The following ADAMTSL3 variants were observed in gnomAD, a reference collection of about 807,000 sequenced individuals.
ADAMTSL3 encodes the protein ADAMTS like 3.
ADAMTSL3 carries 128 observed loss-of-function variants against 201.7 expected under a neutral mutation model. The ratio of observed to expected loss-of-function variants is 0.63; its 90% CI spans 0.55 to 0.73. The LOEUF (loss-of-function observed/expected upper bound fraction) is 0.73. Among genes scored for constraint, ADAMTSL3 ranks in the 30% least tolerant of loss-of-function variants. ADAMTSL3 has a pLI of 0.00. For missense variants in ADAMTSL3, 1,990 were observed against 2,119.6 expected (o/e 0.94, Z 1.20); for synonymous variants, 738 against 748.4 (o/e 0.99, Z 0.23).
chr15:84,002,721 C>T (rs2067813266), intron 23 of ADAMTSL3, among the ~76,000 whole-genome samples: 1 of 152,058 alleles, frequency 6.6e-6, no homozygotes, highest in Non-Finnish European at 1.5e-5. Flanking sequence ...CAAAAGACCT[C>T]TATGCTTTGC....
At chr15:83,811,063 T>C (rs1327141414) in intron 5 of ADAMTSL3, among the ~76,000 whole-genome samples, 1 of 152,166 alleles carries the variant, frequency 6.6e-6, no homozygotes, top group Non-Finnish European at 1.5e-5. Flanking sequence ...TAGTCATATC[T>C]TCCTGTGACC....
At chr15:83,884,410 G>C (rs1294104788) in intron 9 of ADAMTSL3, among the ~76,000 whole-genome samples, 1 of 147,900 alleles carries the variant, frequency 6.8e-6, no homozygotes, top group Non-Finnish European at 1.5e-5. Flanking sequence ...GAGTAGCTGG[G>C]ACTACAAGCA....
rs1360708722 is a variant in ADAMTSL3 at position 83,782,905 on chromosome 15, G to A, written c.317+9255G>A. On this transcript the variant is annotated intron_variant, in intron 4 of 29. Transcript: ENST00000286744. ...GTTAAATTATAAAAGAAAGAGCAATGGATAGCGTATATATATATATATATT... is the reference window on the plus strand; with the variant it reads ...GTTAAATTATAAAAGAAAGAGCAATAGATAGCGTATATATATATATATATT... Among the ~76,000 whole-genome samples the A allele has an allele frequency of 7.6e-5, 8 of 105,844 alleles. No individual in the cohort carries two copies. In the East Asian group the frequency reaches 2.3e-3, roughly 30 times the overall value. The allele number at this position is 105,844 out of a possible 152,430, so 69.4% of individuals were successfully genotyped here. A position where few individuals can be genotyped will look rare whatever the true frequency, so the allele number is the denominator to read the frequency against.
intron 13 of ADAMTSL3, 143 bp from the exon 14 acceptor site, chr15:83,897,715 A>T (rs1422454912): frequency 8.8e-6 from 8 of 905,634 alleles, no homozygotes; most frequent in Non-Finnish European, 1.2e-5. Context: ...TAGCCTCTGT[A>T]CCCTTCCTTA....
intron 19 of ADAMTSL3, among the ~76,000 whole-genome samples, chr15:83,960,482 A>T (rs2066946107): frequency 6.6e-6 from 1 of 152,148 alleles, no homozygotes; most frequent in African/African-American, 2.4e-5. Flanking sequence ...GATGACAGAG[A>T]CTAGATCCTG....
intron 19 of ADAMTSL3, among the ~76,000 whole-genome samples, chr15:83,952,761 G>A (rs185759621): frequency 8.0e-5 from 12 of 150,412 alleles, no homozygotes; most frequent in East Asian, 3.9e-4. Context: ...AGCCAAGATC[G>A]TGCCACTGCA....
chr15:83,947,868 A>C (rs1435364812), intron 19 of ADAMTSL3, among the ~76,000 whole-genome samples: 1 of 151,940 alleles, frequency 6.6e-6, no homozygotes, highest in African/African-American at 2.4e-5. Context: ...CCAGCTCTCC[A>C]TCTAGTTTAT....
chr15:83,858,928 A>C, intron 8 of ADAMTSL3, 88 bp downstream of exon 8: 1 of 1,134,170 alleles, frequency 8.8e-7, no homozygotes, highest in Non-Finnish European at 1.3e-6. Flanking sequence ...CACAAACCAA[A>C]CCAACAAGCA....
At position 83,755,818 on chromosome 15, in the gene ADAMTSL3, A is replaced by G. The variant is rs145558312; in HGVS notation, c.190-17705A>G. Among the ~76,000 whole-genome samples, 1,055 of 151,390 alleles carry G rather than the reference A, an allele frequency of 7.0e-3. 12 individuals carry two copies. Among genetic ancestry groups the G allele is most frequent in the African/African-American group, 0.024 (977 of 41,180 alleles). On this transcript the variant is annotated intron_variant, in intron 3 of 29. Coordinates refer to ENST00000286744, the MANE Select transcript of ADAMTSL3 (RefSeq NM_207517.3). ...GCCCAGGCTGGAGTGCAGTGGCATGATCTCAGCTCACTACAACTTCCACCT... is the reference window on the plus strand; with the variant it reads ...GCCCAGGCTGGAGTGCAGTGGCATGGTCTCAGCTCACTACAACTTCCACCT...
intron 7 of ADAMTSL3, among the ~76,000 whole-genome samples, chr15:83,843,925 T>C (rs999343534): frequency 2.0e-5 from 3 of 152,144 alleles, no homozygotes; most frequent in Admixed American, 1.3e-4. Context: ...ACAACCAACA[T>C]AAACAGCTTT....
At chr15:83,997,376 T>A (rs1268563905) in intron 23 of ADAMTSL3, among the ~76,000 whole-genome samples, 1 of 152,062 alleles carries the variant, frequency 6.6e-6, no homozygotes, top group Non-Finnish European at 1.5e-5. Flanking sequence ...TCACCTGAGG[T>A]CAGAAGTTTG....
At position 84,016,420 on chromosome 15, in the gene ADAMTSL3, A is replaced by T; in HGVS notation, c.4194A>T (p.Gln1398His). The change falls in exon 25 of 30, where the codon CAA becomes CAT. Residue 1398 changes from glutamine (Q) to histidine (H), a missense_variant. By Grantham distance (24) the Gln-to-His change is conservative (BLOSUM62 0). Transcript: ENST00000286744. Reference sequence around the variant, plus strand: ...CAGAGAGTAGAATCGTATTTCTGCAAGGACATAAAAAGTACATTCTCCAGG... The same window carrying T: ...CAGAGAGTAGAATCGTATTTCTGCATGGACATAAAAAGTACATTCTCCAGG... ...RWPESRIVFL[Q>H]GHKKYILQAT... 1 of 1,614,066 alleles carries T rather than the reference A, an allele frequency of 6.2e-7. No homozygotes were observed. The highest frequency in any genetic ancestry group is 2.2e-5 in the East Asian group (1 of 44,876).
At chr15:83,666,974 TG>T (rs1165381693) in intron 2 of ADAMTSL3, among the ~76,000 whole-genome samples, 6 of 152,124 alleles carry the variant, frequency 3.9e-5, no homozygotes, top group African/African-American at 7.2e-5. Flanking sequence ...TTTTATCTTA[TG>T]TTGCAAATAA....
intron 2 of ADAMTSL3, among the ~76,000 whole-genome samples, chr15:83,702,014 T>C (rs1391501131): frequency 6.6e-6 from 1 of 152,118 alleles, no homozygotes; most frequent in Non-Finnish European, 1.5e-5. Context: ...GATAATGATA[T>C]GAATGAAAAG....
At chr15:83,827,138 G>T (rs907791993) in intron 6 of ADAMTSL3, among the ~76,000 whole-genome samples, 4 of 152,164 alleles carry the variant, frequency 2.6e-5, no homozygotes, top group African/African-American at 9.7e-5. Context: ...CAGTGTAAAA[G>T]TGTTCCTATT....
At chr15:83,755,585 G>A (rs770061156) in intron 3 of ADAMTSL3, among the ~76,000 whole-genome samples, 7 of 152,110 alleles carry the variant, frequency 4.6e-5, no homozygotes, top group Non-Finnish European at 7.3e-5. Context: ...TGTAGCCTGT[G>A]CCCGAATTTC....
chr15:83,801,082 A>C (rs1478482733), intron 4 of ADAMTSL3, among the ~76,000 whole-genome samples: 1 of 152,118 alleles, frequency 6.6e-6, no homozygotes, highest in African/African-American at 2.4e-5. Flanking sequence ...GAATGTTTAA[A>C]ATTTGACGTA....
intron 8 of ADAMTSL3, among the ~76,000 whole-genome samples, chr15:83,860,549 A>G (rs553148113): frequency 6.6e-6 from 1 of 152,324 alleles, no homozygotes; most frequent in Non-Finnish European, 1.5e-5. Context: ...CTTAAAAAAC[A>G]AAAAAATGCA....
intron 2 of ADAMTSL3, among the ~76,000 whole-genome samples, chr15:83,696,965 C>CT (rs1339572468): frequency 6.6e-6 from 1 of 152,152 alleles, no homozygotes; most frequent in Non-Finnish European, 1.5e-5. Flanking sequence ...GGGAGAAAGG[C>CT]TAGGTCCCTT....
Sources: gnomAD v4.1 joint callset for allele counts (sites outside exome capture counted in the v4.1 genomes callset) on GRCh38, gnomAD v4.1.1 for gene constraint, MANE v1.5 for transcripts, NCBI Gene and HGNC (gene_info 2026-07-23, HGNC 2026-07-21) for gene names.